NPTN: variants seen among roughly 807,000 people sequenced by gnomAD.
The protein encoded by NPTN is neuroplastin.
A neutral mutation model predicts 42.7 loss-of-function variants in NPTN; 5 were observed. The observed-to-expected ratio is 0.12, with a 90% CI of 0.06 to 0.25. The LOEUF (loss-of-function observed/expected upper bound fraction) is 0.25. Among genes scored for constraint, NPTN ranks in the 10% least tolerant of loss-of-function variants. NPTN has a pLI of 1.00. For synonymous variants in NPTN, 180 were observed against 201.9 expected, an observed-to-expected ratio of 0.89 and a Z score of 0.92; for missense variants, 307 against 525.4, an observed-to-expected ratio of 0.58 and a Z score of 4.06.
chr15:73,595,385 T>C (rs748976644), intron 2 of NPTN, among the ~76,000 whole-genome samples: 1 of 152,162 alleles, frequency 6.6e-6, no homozygotes, highest in Non-Finnish European at 1.5e-5. Flanking sequence ...CATTTTCACA[T>C]AGACAAGGTT....
chr15:73,590,949 A>G (rs1169180748), intron 3 of NPTN, among the ~76,000 whole-genome samples: 1 of 152,140 alleles, frequency 6.6e-6, no homozygotes, highest in Non-Finnish European at 1.5e-5. Context: ...TAGGTTAACT[A>G]CCTTGCCACT....
chr15:73,587,403 A>G, intron 4 of NPTN, 121 bp downstream of exon 4: 1 of 716,214 alleles, frequency 1.4e-6, no homozygotes, highest in Non-Finnish European at 2.4e-6. Context: ...TGGCCTAACC[A>G]CAACATTATA....
intron 5 of NPTN, among the ~76,000 whole-genome samples, chr15:73,573,460 A>G (rs191496467): frequency 1.1e-4 from 17 of 152,352 alleles, no homozygotes; most frequent in Admixed American, 1.3e-4. Context: ...GGACAGCTTT[A>G]ACAAATCACG....
At chr15:73,566,997 T>C (rs1595894343) in intron 6 of NPTN, 1 of 917,760 alleles carries the variant, frequency 1.1e-6, no homozygotes, top group African/African-American at 2.2e-5. Flanking sequence ...AAAAAAGACA[T>C]GGGGCTTTTT....
intron 2 of NPTN, 105 bp from the exon 3 acceptor site, chr15:73,592,242 G>A: frequency 1.1e-6 from 1 of 886,684 alleles, no homozygotes; most frequent in African/African-American, 1.7e-5. Context: ...AAAAGAGGGA[G>A]GGCAGACAGG....
chr15:73,582,716 A>C (rs901983959), intron 4 of NPTN, among the ~76,000 whole-genome samples: 1 of 152,140 alleles, frequency 6.6e-6, no homozygotes, highest in African/African-American at 2.4e-5. Context: ...GATACCCCCC[A>C]CAAGACAGGG....
intron 2 of NPTN, among the ~76,000 whole-genome samples, chr15:73,596,443 T>C (rs1416554966): frequency 1.3e-5 from 2 of 152,050 alleles, no homozygotes; most frequent in East Asian, 1.9e-4. Flanking sequence ...CAAGTCACAG[T>C]TAAAGGAAGA....
At chr15:73,610,797 A>C (rs1028171145) in intron 1 of NPTN, among the ~76,000 whole-genome samples, 3 of 152,224 alleles carry the variant, frequency 2.0e-5, no homozygotes, top group African/African-American at 7.2e-5. Context: ...AAGATTAAAC[A>C]AATATGATTT....
intron 1 of NPTN, among the ~76,000 whole-genome samples, chr15:73,605,972 G>T (rs1355659503): frequency 1.3e-5 from 2 of 151,572 alleles, no homozygotes; most frequent in Non-Finnish European, 2.9e-5. Context: ...TGACGCACAA[G>T]AATCGCTTGA....
chr15:73,585,317 T>G (rs1896264306), intron 4 of NPTN, among the ~76,000 whole-genome samples: 1 of 152,188 alleles, frequency 6.6e-6, no homozygotes, highest in Admixed American at 6.5e-5. Context: ...TTCAGATCAC[T>G]ACAGCTATAA....
chr15:73,585,013 A>T (rs540636893), intron 4 of NPTN, among the ~76,000 whole-genome samples: 148 of 152,342 alleles, frequency 9.7e-4, no homozygotes, highest in Non-Finnish European at 1.7e-3. Context: ...GATAATGCCC[A>T]GTCCCTGGCT....
At chr15:73,574,500 A>G (rs1471040293) in intron 4 of NPTN, among the ~76,000 whole-genome samples, 1 of 152,184 alleles carries the variant, frequency 6.6e-6, no homozygotes, top group East Asian at 1.9e-4. Context: ...TGCTCACTGT[A>G]GCCTCAAGCT....
chr15:73,594,252 A>G (rs1896729742), intron 2 of NPTN, among the ~76,000 whole-genome samples: 1 of 152,188 alleles, frequency 6.6e-6, no homozygotes, highest in Non-Finnish European at 1.5e-5. Flanking sequence ...TGAGGCCAAG[A>G]GCTTCCAGAT....
chr15:73,567,059 C>G (rs1472603243), intron 6 of NPTN: 1 of 843,936 alleles, frequency 1.2e-6, no homozygotes, highest in Admixed American at 7.4e-5. Context: ...TAAGCATTTT[C>G]AATGTGAGAA....
intron 1 of NPTN, among the ~76,000 whole-genome samples, chr15:73,628,253 T>A (rs1242335940): frequency 6.6e-6 from 1 of 152,168 alleles, no homozygotes; most frequent in African/African-American, 2.4e-5. Context: ...ACAGCTTATA[T>A]TTTTCCGGAT....
intron 4 of NPTN, among the ~76,000 whole-genome samples, chr15:73,574,781 A>G (rs1018125002): frequency 1.3e-5 from 2 of 152,188 alleles, no homozygotes; most frequent in African/African-American, 4.8e-5. Context: ...TCCTAGACTG[A>G]ACCCAATATA....
chr15:73,591,665 A>G, intron 3 of NPTN: 1 of 199,026 alleles, frequency 5.0e-6, no homozygotes, highest in Admixed American at 5.8e-5. Context: ...CTACATTCTA[A>G]GTGTGACTCT....
chr15:73,610,602 C>T (rs554665624), intron 1 of NPTN, among the ~76,000 whole-genome samples: 29 of 152,240 alleles, frequency 1.9e-4, no homozygotes, highest in African/African-American at 6.7e-4. Context: ...AAAGCTAAAC[C>T]AACTCCCACT....
In NPTN at chr15:73,616,647, C is replaced by G. The variant is rs562554307; in HGVS notation, c.91+16478G>C. ...CACAATTACTTCTTATTTCTACTCTCCTCAACTTGTTTCAGGTCTGTATTA... is the reference window on the plus strand; with the variant it reads ...CACAATTACTTCTTATTTCTACTCTGCTCAACTTGTTTCAGGTCTGTATTA... On this transcript the variant is annotated intron_variant, in intron 1 of 8. Transcript: ENST00000345330. Among the ~76,000 whole-genome samples, 3 of 152,282 alleles carry G rather than the reference C, an allele frequency of 2.0e-5. No homozygotes were observed. The East Asian group carries it at 5.8e-4, about 29-fold the overall frequency.
Sources: gnomAD v4.1 joint callset for allele counts (sites outside exome capture counted in the v4.1 genomes callset) on GRCh38, gnomAD v4.1.1 for gene constraint, MANE v1.5 for transcripts, NCBI Gene and HGNC (gene_info 2026-07-23, HGNC 2026-07-21) for gene names.